The following SELENOO variants were observed in gnomAD, a reference collection of about 807,000 sequenced individuals.
SELENOO encodes the protein protein adenylyltransferase SelO, mitochondrial.
Under a neutral mutation model 58.7 loss-of-function variants are expected in SELENOO, and 74 were observed. The observed-to-expected ratio is 1.26, with a 90% confidence interval of 1.04 to 1.53. The LOEUF (loss-of-function observed/expected upper bound fraction) is 1.53. SELENOO is among the 40% of genes most tolerant of loss of function. The pLI is 0.00. For missense variants in SELENOO, 1,149 were observed against 970.0 expected, an observed-to-expected ratio of 1.18 and a Z score of -2.45; for synonymous variants, 543 against 453.2, an observed-to-expected ratio of 1.20 and a Z score of -2.52.
Position 50,206,400 on chromosome 22 carries a change from C to A in SELENOO, c.638C>A (p.Thr213Asn), listed in dbSNP as rs573200452. 45 of 1,614,076 alleles carry A rather than the reference C, an allele frequency of 2.8e-5. No homozygotes were observed. The highest frequency in any genetic ancestry group is 3.6e-5 in the Non-Finnish European group (43 of 1,180,052). ...GCCATGTTCCACCTGGGAGTCCCCA[C>A]CACACGGGCCGGCGCCTGCGTCACG... ...SEAMFHLGVP[T>N]TRAGACVTSE... The change falls in exon 2 of 9, where the codon ACC (threonine) becomes AAC (asparagine). Residue 213 changes from threonine (T) to asparagine (N), a missense_variant. Thr to Asn is a moderately conservative substitution (Grantham distance 65). Transcript: ENST00000380903.
chr22:50,214,125 A>G (rs2064390166), intron 5 of SELENOO, among the ~76,000 whole-genome samples: 1 of 152,128 alleles, frequency 6.6e-6, no homozygotes, highest in Non-Finnish European at 1.5e-5. Context: ...TTATCCATAT[A>G]TAATGCTGTC....
Position 50,217,214 on chromosome 22 carries a change from G to C in SELENOO, c.1855G>C (p.Val619Leu). 4 of 1,611,662 alleles carry C rather than the reference G, an allele frequency of 2.5e-6. No homozygotes were observed. Among genetic ancestry groups the C allele is most frequent in the Non-Finnish European group, 3.4e-6 (4 of 1,179,224 alleles). ...CCTCCTGATCCTCCAGGTGCGGCGGGTGCTGAAACTACTGGAGACCCCTTA... is the reference window on the plus strand; with the variant it reads ...CCTCCTGATCCTCCAGGTGCGGCGGCTGCTGAAACTACTGGAGACCCCTTA... ...ERGDFSEVRR[V>L]LKLLETPYHC... Residue 619 changes from valine to leucine, a missense_variant, in exon 9 of 9, where the codon GTG becomes CTG. Coordinates refer to ENST00000380903, the MANE Select transcript of SELENOO (RefSeq NM_031454.2).
intron 1 of SELENOO, among the ~76,000 whole-genome samples, chr22:50,202,254 G>T (rs943515295): frequency 1.3e-5 from 2 of 151,954 alleles, no homozygotes; most frequent in Non-Finnish European, 2.9e-5. Flanking sequence ...TGCTAAACCC[G>T]CATCTCATCC....
Position 50,201,492 on chromosome 22 carries a change from G to C in SELENOO, c.456G>C (p.Leu152=), listed in dbSNP as rs2064300331. 7 of 1,425,686 alleles carry C rather than the reference G, an allele frequency of 4.9e-6. No homozygotes were observed. Among genetic ancestry groups the C allele is most frequent in the Admixed American group, 5.2e-5 (2 of 38,728 alleles). The allele number at this position is 1,425,686 out of a possible 1,614,324, so 88.3% of individuals were successfully genotyped here. A position where few individuals can be genotyped will look rare whatever the true frequency, so the allele number is the denominator to read the frequency against. The change falls in exon 1 of 9, where the codon CTG becomes CTC. Residue 152 remains leucine (L), a synonymous_variant. Transcript: ENST00000380903. ...GHQFGQFAGQ[L]GDGAAMYLGE... is the part of the protein sequence containing the mutation. Reference sequence around the variant, plus strand: ...AATTCGGCCAGTTCGCCGGGCAGCTGGGCGACGGCGCCGCCATGTACCTGG... The same window carrying C: ...AATTCGGCCAGTTCGCCGGGCAGCTCGGCGACGGCGCCGCCATGTACCTGG...
chr22:50,202,158 C>T (rs2147156119), intron 1 of SELENOO, among the ~76,000 whole-genome samples: 1 of 152,384 alleles, frequency 6.6e-6, no homozygotes, highest in African/African-American at 2.4e-5. Context: ...CTGTTCTGCT[C>T]TTTTCTACTA....
chr22:50,210,760 G>C lies in SELENOO; in HGVS notation c.1200G>C (p.Glu400Asp), dbSNP rs762177342. 11 of 1,613,658 alleles carry C rather than the reference G, an allele frequency of 6.8e-6. No individual in the cohort carries two copies. In the African/African-American group the frequency reaches 1.2e-4, roughly 18 times the overall value. The change falls in exon 5 of 9, where the codon GAG becomes GAC. Residue 400 changes from glutamate (E) to aspartate (D), a missense_variant. Glu to Asp is a conservative substitution (Grantham distance 45). Transcript: ENST00000380903. ...AEALQPELPL[E>D]LGEAILAEEF... ...CCCTGCAGCCGGAACTGCCCCTGGA[G>C]CTGGGGGAGGCCATCCTGGCCGAGG...
At position 50,210,842 on chromosome 22, in the gene SELENOO, C is replaced by T; in HGVS notation, c.1282C>T (p.Leu428Phe). 6.2e-7 allele frequency: 1 copy of T among 1,614,134 alleles called. No homozygotes were observed. Among genetic ancestry groups the T allele is most frequent in the South Asian group, 1.1e-5 (1 of 91,084 alleles). The change falls in exon 5 of 9, where the codon CTC becomes TTC. Residue 428 changes from leucine to phenylalanine, a missense_variant. Transcript: ENST00000380903. ...YLQKMRRKLGLVQVELEEDGA... is the reference protein window; with the variant it reads ...YLQKMRRKLGFVQVELEEDGA... ...GCAGAAGATGCGCAGGAAGCTGGGC[C>T]TCGTGCAGGTGGAGCTGGAGGAAGA...
rs749037799 is a variant in SELENOO, at chr22:50,210,634, C to G, written c.1074C>G (p.Tyr358Ter). 6.2e-7 allele frequency: 1 copy of G among 1,612,812 alleles called. No individual in the cohort carries two copies. Among genetic ancestry groups the G allele is most frequent in the Non-Finnish European group, 8.5e-7 (1 of 1,179,826 alleles). The change falls in exon 5 of 9, where the codon TAC (tyrosine) becomes TAG (stop). Residue 358 changes from tyrosine to a stop codon, truncating the protein, a stop_gained. Transcript: ENST00000380903. LOFTEE classifies it high-confidence loss of function. ...DYGPFGFLDR[Y>*]DPDHVCNASD... ...GCTCTCTTGCCCCGTGTGGCAGGTA[C>G]GACCCCGACCACGTGTGCAATGCCT...
chr22:50,210,752 C>T lies in SELENOO; in HGVS notation c.1192C>T (p.Pro398Ser). The change falls in exon 5 of 9, where the codon CCC becomes TCC. Residue 398 changes from proline to serine, a missense_variant. Physicochemically the swap from Pro to Ser is moderately conservative, Grantham distance 74 (BLOSUM62 -1). Transcript: ENST00000380903. ...GGCCGAGGCCCTGCAGCCGGAACTG[C>T]CCCTGGAGCTGGGGGAGGCCATCCT... ...KLAEALQPEL[P>S]LELGEAILAE... 6.2e-7 allele frequency: 1 copy of T among 1,613,702 alleles called. No homozygotes were observed. The highest frequency in any genetic ancestry group is 1.1e-5 in the South Asian group (1 of 91,074).
intron 5 of SELENOO, among the ~76,000 whole-genome samples, chr22:50,212,638 A>G (rs1314657642): frequency 6.6e-6 from 1 of 152,134 alleles, no homozygotes; most frequent in East Asian, 1.9e-4. Context: ...CCTGGTAGCA[A>G]CCACTCCGCT....
In SELENOO at chr22:50,216,749, G is replaced by A. The variant is rs372252481; in HGVS notation, c.1561G>A (p.Gly521Ser). ...QSNPQLFALM[G>S]TRAGIARELE... Reference sequence around the variant, plus strand: ...AAACCCGCAGCTGTTCGCGCTTATGGGCACCCGGGCAGGCATCGCCAGGGA... The same window carrying A: ...AAACCCGCAGCTGTTCGCGCTTATGAGCACCCGGGCAGGCATCGCCAGGGA... The change falls in exon 7 of 9, where the codon GGC becomes AGC. Residue 521 changes from glycine (G) to serine (S), a missense_variant. Physicochemically the swap from Gly to Ser is moderately conservative, Grantham distance 56 (BLOSUM62 0). Coordinates refer to ENST00000380903, the MANE Select transcript of SELENOO (RefSeq NM_031454.2). 46 of 1,607,092 alleles carry A rather than the reference G, an allele frequency of 2.9e-5. No homozygotes were observed. The African/African-American group carries it at 5.6e-4, about 20-fold the overall frequency.
chr22:50,210,786 A>G lies in SELENOO; in HGVS notation c.1226A>G (p.Glu409Gly). The change falls in exon 5 of 9, where the codon GAG becomes GGG. Residue 409 changes from glutamate to glycine, a missense_variant. Physicochemically the swap from Glu to Gly is moderately conservative, Grantham distance 98. Coordinates refer to ENST00000380903, the MANE Select transcript of SELENOO (RefSeq NM_031454.2). ...CTGGGGGAGGCCATCCTGGCCGAGG[A>G]GTTTGACGCCGAGTTCCAAAGGCAC... is the stretch of plus-strand genomic sequence containing the variant. ...LELGEAILAE[E>G]FDAEFQRHYL... 6.2e-7 allele frequency: 1 copy of G among 1,613,900 alleles called. No individual in the cohort carries two copies. The highest frequency in any genetic ancestry group is 8.5e-7 in the Non-Finnish European group (1 of 1,180,022).
At position 50,206,560 on chromosome 22, in the gene SELENOO, C is replaced by T. The variant is rs911269079; in HGVS notation, c.758+40C>T. The T allele has an allele frequency of 8.4e-6, 13 of 1,543,764 alleles. No individual in the cohort carries two copies. The Admixed American group carries it at 1.3e-4, about 15-fold the overall frequency. On this transcript the variant is annotated intron_variant, in intron 2 of 8. Coordinates refer to ENST00000380903, the MANE Select transcript of SELENOO (RefSeq NM_031454.2). ...CTTTCGGCCTGTCTACACGCACTTG[C>T]TTAGAGTCCTAGGAGATTTGGGCCT...
In SELENOO at chr22:50,217,020, G is replaced by A. The variant is rs1343797892; in HGVS notation, c.1737G>A (p.Trp579Ter). 2 of 1,611,784 alleles carry A rather than the reference G, an allele frequency of 1.2e-6. No homozygotes were observed. Among genetic ancestry groups the A allele is most frequent in the Non-Finnish European group, 1.7e-6 (2 of 1,179,808 alleles). Reference protein sequence around the residue: ...DLEGAGDAAAWQAEHVRVMHA... With the variant: ...DLEGAGDAAA ...AAGGCGCTGGGGACGCTGCCGCCTG[G>A]CAGGCTGAGCACGTGCGCGTGATGC... is the stretch of plus-strand genomic sequence containing the variant. The change falls in exon 8 of 9, where the codon TGG becomes TGA. Residue 579 changes from tryptophan (W) to a stop codon, truncating the protein, a stop_gained. Coordinates refer to ENST00000380903, the MANE Select transcript of SELENOO (RefSeq NM_031454.2). LOFTEE classifies it high-confidence loss of function.
At chr22:50,214,302 G>A (rs951232314) in intron 5 of SELENOO, among the ~76,000 whole-genome samples, 4 of 152,096 alleles carry the variant, frequency 2.6e-5, no homozygotes, top group South Asian at 4.1e-4. Context: ...CACCTTTCCC[G>A]GCCCTTCTGA....
chr22:50,208,492 T>C, intron 2 of SELENOO, 44 bp from the exon 3 acceptor site: 1 of 1,564,642 alleles, frequency 6.4e-7, no homozygotes, highest in Non-Finnish European at 8.7e-7. Context: ...CACAAGGGGC[T>C]GGGGTCAGGT....
chr22:50,215,822 C>G lies in SELENOO; in HGVS notation c.1457C>G (p.Ser486Cys). The G allele has an allele frequency of 6.2e-7, 1 of 1,612,334 alleles. No individual in the cohort carries two copies. The highest frequency in any genetic ancestry group is 8.5e-7 in the Non-Finnish European group (1 of 1,178,964). ...GCCAGGCTGATGGAGCAGTGTGCCT[C>G]CCTGGAGGAGCTGAGGCTGGCCTTC... ...FLARLMEQCASLEELRLAFRP... is the reference protein window; with the variant it reads ...FLARLMEQCACLEELRLAFRP... Residue 486 changes from serine to cysteine, a missense_variant, in exon 6 of 9, where the codon TCC becomes TGC. Coordinates refer to ENST00000380903, the MANE Select transcript of SELENOO (RefSeq NM_031454.2).
rs1267613422 is a variant in SELENOO at position 50,201,495 on chromosome 22, C to T, written c.459C>T (p.Gly153=). 8 of 1,424,456 alleles carry T rather than the reference C, an allele frequency of 5.6e-6. No individual in the cohort carries two copies. Among genetic ancestry groups the T allele is most frequent in the Admixed American group, 2.6e-5 (1 of 38,636 alleles). The allele number at this position is 1,424,456 out of a possible 1,614,324, so 88.2% of individuals were successfully genotyped here. The change falls in exon 1 of 9, where the codon GGC becomes GGT. Residue 153 remains glycine, a synonymous_variant. Coordinates refer to ENST00000380903, the MANE Select transcript of SELENOO (RefSeq NM_031454.2). ...TCGGCCAGTTCGCCGGGCAGCTGGG[C>T]GACGGCGCCGCCATGTACCTGGGCG... ...HQFGQFAGQL[G]DGAAMYLGEV...
At chr22:50,203,485 C>T (rs750912393) in intron 1 of SELENOO, among the ~76,000 whole-genome samples, 7 of 152,118 alleles carry the variant, frequency 4.6e-5, no homozygotes, top group Admixed American at 6.6e-5. Context: ...ACTACAAAGC[C>T]GCAGTCAGCA....
Sources: gnomAD v4.1 joint callset for allele counts (sites outside exome capture counted in the v4.1 genomes callset) on GRCh38, gnomAD v4.1.1 for gene constraint, MANE v1.5 for transcripts, NCBI Gene and HGNC (gene_info 2026-07-23, HGNC 2026-07-21) for gene names.